The following TUBGCP4 variants were observed in gnomAD, a reference collection of about 807,000 sequenced individuals.
TUBGCP4 encodes tubulin gamma complex component 4.
Under a neutral mutation model 91.6 loss-of-function variants are expected in TUBGCP4, and 54 were observed. The observed-to-expected ratio is 0.59, with a 90% CI of 0.47 to 0.74. The LOEUF is 0.74. TUBGCP4 is among the 30% of genes least tolerant of loss of function. The pLI is 0.00. For missense variants in TUBGCP4, 593 were observed against 800.9 expected (o/e 0.74, Z 3.13); for synonymous variants, 297 against 302.8 (o/e 0.98, Z 0.20).
rs2044357518 is a variant in TUBGCP4, at chr15:43,386,273, C to T, written c.957C>T (p.Leu319=). The part of the protein sequence containing the change: ...AELHRLKQQP[L]FSLVDFEQVV... ...TGCACCGTCTCAAGCAGCAGCCACT[C>T]TTCAGCTTGGTGGACTTTGAACAGG... The change falls in exon 9 of 18, where the codon CTC becomes CTT. Residue 319 remains leucine (L), a synonymous_variant. Coordinates refer to ENST00000564079, the MANE Select transcript of TUBGCP4 (RefSeq NM_014444.5). The T allele has an allele frequency of 1.3e-6, 2 of 1,595,796 alleles. No homozygotes were observed. Among genetic ancestry groups the T allele is most frequent in the South Asian group, 1.1e-5 (1 of 90,488 alleles).
At chr15:43,377,481 G>A (rs911130655) in intron 4 of TUBGCP4, 1 of 298,420 alleles carries the variant, frequency 3.4e-6, no homozygotes, top group South Asian at 4.4e-5. Flanking sequence ...AAATTAGTCG[G>A]TTGTGGTGGC....
chr15:43,380,155 A>C lies in TUBGCP4; in HGVS notation c.513A>C (p.Ala171=). 1 of 1,613,974 alleles carries C rather than the reference A, an allele frequency of 6.2e-7. No homozygotes were observed. Residue 171 remains alanine (A), a synonymous_variant, in exon 6 of 18, where the codon GCA becomes GCC. Transcript: ENST00000564079. ...SCGGLPPVRS[A]LEKILAVCHG... The stretch of plus-strand genomic sequence containing the variant: ...GGGGGTTGCCTCCTGTTCGAAGTGC[A>C]CTGGAAAAGTAAGTCATGGCTTAAC...
At chr15:43,399,154 T>A in intron 13 of TUBGCP4, 2 of 1,260,260 alleles carry the variant, frequency 1.6e-6, no homozygotes, top group Non-Finnish European at 2.1e-6. Flanking sequence ...GACTGTCTTC[T>A]GCAAGCCTAC....
Position 43,397,195 on chromosome 15 carries a change from T to G in TUBGCP4, c.1172-19T>G. On this transcript the variant is annotated intron_variant, in intron 11 of 17. Coordinates refer to ENST00000564079, the MANE Select transcript of TUBGCP4 (RefSeq NM_014444.5). ...ATGTAGCCAAGCGTCCCTGTCAGCC[T>G]GCGTGTTCTTTCTTGCAGATGTGAA... The G allele has an allele frequency of 1.2e-6, 2 of 1,601,090 alleles. No homozygotes were observed.
rs2044268073 is a variant in TUBGCP4, at chr15:43,380,273, A to G, written c.521+110A>G. On this transcript the variant is annotated intron_variant, in intron 6 of 17. Coordinates refer to ENST00000564079, the MANE Select transcript of TUBGCP4 (RefSeq NM_014444.5). ...TTCAGGTTTCCCTCTTGGGAAGGTT[A>G]TAACCAGGATAGAAAAAGCTCCATG... 4.1e-6 allele frequency: 4 copies of G among 978,366 alleles called. 1 individual carries two copies. In the South Asian group the frequency reaches 4.5e-5, roughly 11 times the overall value. The allele number at this position is 978,366 out of a possible 1,614,324, so 60.6% of individuals were successfully genotyped here. A position where few individuals can be genotyped will look rare whatever the true frequency, so the allele number is the denominator to read the frequency against.
chr15:43,400,752 C>CA (rs1427296858), intron 14 of TUBGCP4, among the ~76,000 whole-genome samples: 28 of 152,110 alleles, frequency 1.8e-4, no homozygotes, highest in Admixed American at 5.2e-4. Context: ...ACCATCTCTA[C>CA]TAAAAATACA....
In TUBGCP4 at chr15:43,408,647, G is replaced by A. The variant is rs1024128835; in HGVS notation, c.*3433G>A. ...ATTTTTAATGCTTGCTTAAAACTTA[G>A]TTCTCTGACTTTACAGGTTGAGAAT... On this transcript the variant is annotated 3_prime_UTR_variant, in exon 18 of 18. Coordinates refer to ENST00000564079, the MANE Select transcript of TUBGCP4 (RefSeq NM_014444.5). The A allele has an allele frequency of 5.4e-5, 26 of 481,500 alleles. No homozygotes were observed. The highest frequency in any genetic ancestry group is 8.3e-5 in the Non-Finnish European group (22 of 264,988). The allele number at this position is 481,500 out of a possible 1,614,324, so 29.8% of individuals were successfully genotyped here. A position where few individuals can be genotyped will look rare whatever the true frequency, so the allele number is the denominator to read the frequency against.
chr15:43,393,797 T>C (rs957709605), intron 9 of TUBGCP4, among the ~76,000 whole-genome samples: 8 of 152,304 alleles, frequency 5.3e-5, no homozygotes, highest in African/African-American at 1.9e-4. Context: ...TATGGCTGCA[T>C]AGTATTCCAT....
At chr15:43,397,427 G>T in intron 12 of TUBGCP4, 106 bp downstream of exon 12, 1 of 864,718 alleles carries the variant, frequency 1.2e-6, no homozygotes. Flanking sequence ...TTGGATCTTA[G>T]AAATCAGCTA....
chr15:43,404,484 T>G lies in TUBGCP4; in HGVS notation c.1920T>G (p.Asp640Glu). ...SSVRNHQINS[D>E]LAQLLLRLDY... ...TTCGGAATCATCAGATCAACTCAGA[T>G]TTGGCTCAACTACTGTTACGACTAG... is the stretch of plus-strand genomic sequence containing the variant. Residue 640 changes from aspartate to glutamate, a missense_variant, in exon 17 of 18, where the codon GAT (aspartate) becomes GAG (glutamate). Coordinates refer to ENST00000564079, the MANE Select transcript of TUBGCP4 (RefSeq NM_014444.5). 6.2e-7 allele frequency: 1 copy of G among 1,614,188 alleles called. No individual in the cohort carries two copies. The highest frequency in any genetic ancestry group is 8.5e-7 in the Non-Finnish European group (1 of 1,180,036).
rs375638043 is a variant in TUBGCP4, at chr15:43,405,324, T to A, written c.*110T>A. On this transcript the variant is annotated 3_prime_UTR_variant, in exon 18 of 18. Coordinates refer to ENST00000564079, the MANE Select transcript of TUBGCP4 (RefSeq NM_014444.5). ...CAAATAAATATCTGCGGCTTAGTGATAGGACTCTACCTTTTCTCCTAGAAG... is the reference window on the plus strand; with the variant it reads ...CAAATAAATATCTGCGGCTTAGTGAAAGGACTCTACCTTTTCTCCTAGAAG... 41 of 1,262,940 alleles carry A rather than the reference T, an allele frequency of 3.2e-5. No homozygotes were observed. The highest frequency in any genetic ancestry group is 4.5e-5 in the Non-Finnish European group (39 of 872,198). 78.2% of individuals were successfully genotyped at this position (1,262,940 alleles called of 1,614,324 possible).
At chr15:43,382,871 G>T (rs1408878873) in intron 6 of TUBGCP4, among the ~76,000 whole-genome samples, 1 of 152,020 alleles carries the variant, frequency 6.6e-6, no homozygotes, top group Non-Finnish European at 1.5e-5. Context: ...ATGTATACCT[G>T]GCACTCACGT....
At chr15:43,375,613 A>G (rs2044193947) in intron 1 of TUBGCP4, among the ~76,000 whole-genome samples, 1 of 152,212 alleles carries the variant, frequency 6.6e-6, no homozygotes, top group South Asian at 2.1e-4. Flanking sequence ...GATAATAGGT[A>G]TGCTTAATTT....
At chr15:43,385,642 A>G (rs2142810704) in intron 7 of TUBGCP4, 149 bp from the exon 8 acceptor site, 2 of 732,684 alleles carry the variant, frequency 2.7e-6, no homozygotes, top group South Asian at 1.9e-5. Flanking sequence ...CATCTCTCCA[A>G]AATGGGTGGT....
intron 7 of TUBGCP4, 67 bp downstream of exon 7, chr15:43,383,571 C>A (rs749154562): frequency 1.1e-5 from 15 of 1,408,098 alleles, no homozygotes; most frequent in Non-Finnish European, 1.4e-5. Flanking sequence ...CACAAATGAT[C>A]TTCTGGTGAT....
intron 12 of TUBGCP4, 121 bp downstream of exon 12, chr15:43,397,442 A>G: frequency 1.3e-6 from 1 of 759,226 alleles, no homozygotes; most frequent in Non-Finnish European, 2.3e-6. Context: ...CAGCTAGTAC[A>G]GTACTATAAT....
chr15:43,388,509 G>A (rs1243037298), intron 9 of TUBGCP4, among the ~76,000 whole-genome samples: 1 of 152,128 alleles, frequency 6.6e-6, no homozygotes, highest in Non-Finnish European at 1.5e-5. Context: ...CCCGTCTATA[G>A]GCCAAGGCAG....
In TUBGCP4 at chr15:43,377,914, T is replaced by A; in HGVS notation, c.441+11T>A. On this transcript the variant is annotated intron_variant, in intron 5 of 17. Coordinates refer to ENST00000564079, the MANE Select transcript of TUBGCP4 (RefSeq NM_014444.5). ...ATTAAAAGTCAAAAGGTGAGAACTT[T>A]CCTTATTCCTTTTGCTTTGCTAAGC... 1.9e-6 allele frequency: 3 copies of A among 1,589,580 alleles called. No individual in the cohort carries two copies. The highest frequency in any genetic ancestry group is 2.6e-6 in the Non-Finnish European group (3 of 1,170,772).
rs552494320 is a variant in TUBGCP4, at chr15:43,402,607, C to T, written c.1731+757C>T. The T allele has an allele frequency of 2.7e-4, 41 of 152,290 alleles. 1 individual carries two copies. The highest frequency in any genetic ancestry group is 2.0e-3 in the Admixed American group (30 of 15,302). The allele number at this position is 152,290 out of a possible 1,614,324, so 9.4% of individuals were successfully genotyped here. On this transcript the variant is annotated intron_variant, in intron 15 of 17. Coordinates refer to ENST00000564079, the MANE Select transcript of TUBGCP4 (RefSeq NM_014444.5). ...TGTGTTTCTGTAAGTACATATATGT[C>T]TCCTTCGTGGCAGTTATTTTCAACT... is the stretch of plus-strand genomic sequence containing the variant.
Sources: gnomAD v4.1 joint callset for allele counts (sites outside exome capture counted in the v4.1 genomes callset) on GRCh38, gnomAD v4.1.1 for gene constraint, MANE v1.5 for transcripts, NCBI Gene and HGNC (gene_info 2026-07-23, HGNC 2026-07-21) for gene names.